Variants in TRIP12 observed in about 807,000 individuals in gnomAD.
TRIP12 encodes the protein thyroid hormone receptor interactor 12, also known as E3 ubiquitin-protein ligase TRIP12.
TRIP12 carries 25 observed loss-of-function variants against 244.2 expected under a neutral mutation model. That is an observed-to-expected ratio of 0.10 (90% CI 0.07 to 0.14). TRIP12 has a LOEUF of 0.14. Ranked by LOEUF, TRIP12 falls within the 10% of genes least tolerant of loss-of-function variation. The pLI, the probability that TRIP12 is intolerant of heterozygous loss-of-function variation, is 1.00. For missense variants in TRIP12, 1,677 were observed against 2,486.4 expected (o/e 0.67, Z 6.92); for synonymous variants, 905 against 873.1 (o/e 1.04, Z -0.64).
At chr2:229,813,235 G>T (rs567342737) in intron 13 of TRIP12, among the ~76,000 whole-genome samples, 1 of 152,242 alleles carries the variant, frequency 6.6e-6, no homozygotes, top group African/African-American at 2.4e-5. Context: ...TCTCAAGAAA[G>T]AGTAATCTTT....
chr2:229,906,414 T>C (rs1219770085), intron 1 of TRIP12, among the ~76,000 whole-genome samples: 3 of 150,074 alleles, frequency 2.0e-5, no homozygotes, highest in African/African-American at 4.9e-5. Context: ...ATAAAAGACT[T>C]CCATTAATTA....
intron 5 of TRIP12, among the ~76,000 whole-genome samples, chr2:229,840,284 G>A (rs140564874): frequency 3.2e-4 from 49 of 152,226 alleles, no homozygotes; most frequent in African/African-American, 9.6e-4. Context: ...TAAAAGTATC[G>A]TCAAGAAATA....
chr2:229,785,718 A>C (rs1211319625), intron 34 of TRIP12, 39 bp downstream of exon 34: 1 of 1,565,968 alleles, frequency 6.4e-7, no homozygotes, highest in Non-Finnish European at 8.7e-7. Flanking sequence ...TTAAGAGCAC[A>C]AGTCAAGCTA....
At chr2:229,833,800 T>C (rs2054063125) in intron 6 of TRIP12, among the ~76,000 whole-genome samples, 1 of 151,608 alleles carries the variant, frequency 6.6e-6, no homozygotes, top group Non-Finnish European at 1.5e-5. Context: ...GTATATGTTT[T>C]ACAAAATTAG....
intron 33 of TRIP12, among the ~76,000 whole-genome samples, chr2:229,787,219 G>A (rs531279293): frequency 6.6e-6 from 1 of 152,124 alleles, no homozygotes; most frequent in Non-Finnish European, 1.5e-5. Context: ...AAGTTTCAGT[G>A]AGAGAAGACA....
intron 18 of TRIP12, 69 bp from the exon 19 acceptor site, chr2:229,804,296 TA>T: frequency 7.6e-7 from 1 of 1,321,686 alleles, no homozygotes. Flanking sequence ...ATAAACAATA[TA>T]AAATACTCAA....
At chr2:229,856,544 T>C (rs1475777516) in intron 4 of TRIP12, among the ~76,000 whole-genome samples, 1 of 152,208 alleles carries the variant, frequency 6.6e-6, no homozygotes, top group African/African-American at 2.4e-5. Context: ...AAGTACAATC[T>C]GCTATTGCCT....
intron 1 of TRIP12, among the ~76,000 whole-genome samples, chr2:229,908,668 G>C (rs1289934951): frequency 6.6e-6 from 1 of 151,902 alleles, no homozygotes; most frequent in Non-Finnish European, 1.5e-5. Flanking sequence ...GGGAGGCAGA[G>C]CTTCCAGTGA....
intron 1 of TRIP12, among the ~76,000 whole-genome samples, chr2:229,909,427 G>C (rs138123357): frequency 3.9e-4 from 59 of 151,872 alleles, no homozygotes; most frequent in Non-Finnish European, 6.8e-4. Context: ...ATGTGGTTGT[G>C]AACACCTGTA....
chr2:229,787,306 G>T (rs1037773059), intron 33 of TRIP12, among the ~76,000 whole-genome samples, 199 bp downstream of exon 33: 1 of 152,090 alleles, frequency 6.6e-6, no homozygotes, highest in Non-Finnish European at 1.5e-5. Context: ...GAAACTGGGG[G>T]GTGGGGAGGA....
At chr2:229,830,698 T>C (rs2053117170) in intron 7 of TRIP12, 58 bp downstream of exon 7, 2 of 1,438,692 alleles carry the variant, frequency 1.4e-6, no homozygotes, top group Middle Eastern at 3.5e-4. Context: ...CAATAAAGAA[T>C]GGTATTAACA....
intron 1 of TRIP12, among the ~76,000 whole-genome samples, chr2:229,909,611 T>G (rs2073855035): frequency 6.6e-6 from 1 of 150,796 alleles, no homozygotes; most frequent in Admixed American, 6.6e-5. Context: ...TCCAGCATTT[T>G]AGAAGGCTGA....
At chr2:229,789,831 C>G in intron 30 of TRIP12, 69 bp from the exon 31 acceptor site, 2 of 1,527,730 alleles carry the variant, frequency 1.3e-6, no homozygotes, top group Non-Finnish European at 1.8e-6. Flanking sequence ...AGCCAAGGTC[C>G]TATCATCGCT....
chr2:229,864,004 A>AGAG lies in TRIP12; in HGVS notation c.99-3474_99-3473insCTC, dbSNP rs1559954221. Among the ~76,000 whole-genome samples, 171 of 81,298 alleles carry AGAG rather than the reference A, an allele frequency of 2.1e-3. 1 individual carries two copies. Among genetic ancestry groups the AGAG allele is most frequent in the African/African-American group, 3.4e-3 (83 of 24,180 alleles). 53.3% of individuals were successfully genotyped at this position (81,298 alleles called of 152,430 possible). The stretch of plus-strand genomic sequence containing the variant: ...AATTATAGCCCAAAGATTTGGGTGA[A>AGAG]AGAGAGAGAGAGAGAGAGAGAGAGA... On this transcript the variant is annotated intron_variant, in intron 2 of 41. Coordinates refer to ENST00000675903, the MANE Select transcript of TRIP12 (RefSeq NM_001348323.3).
chr2:229,796,678 C>G lies in TRIP12; in HGVS notation c.3729G>C (p.Leu1243Phe), dbSNP rs1382723023. The change falls in exon 25 of 42, where the codon TTG (leucine) becomes TTC (phenylalanine). Residue 1243 changes from leucine (L) to phenylalanine (F), a missense_variant. Transcript: ENST00000675903. ...TTTCACTTTTAGATGTCAAATAAAG[C>G]AACAGCTGCTTCACAAATCCACTAT... ...IQHSGFVKQL[L>F]LYLTSKSEKD... 6.2e-7 allele frequency: 1 copy of G among 1,613,230 alleles called. No homozygotes were observed. Among genetic ancestry groups the G allele is most frequent in the Non-Finnish European group, 8.5e-7 (1 of 1,179,796 alleles).
chr2:229,822,262 A>G (rs892946612), intron 8 of TRIP12, among the ~76,000 whole-genome samples: 1 of 152,080 alleles, frequency 6.6e-6, no homozygotes, highest in Non-Finnish European at 1.5e-5. Context: ...CAGAGAGAGT[A>G]GGCGTCAAAG....
chr2:229,792,882 C>A (rs1575071803), intron 27 of TRIP12, 91 bp downstream of exon 27: 1 of 1,336,624 alleles, frequency 7.5e-7, no homozygotes, highest in East Asian at 2.4e-5. Flanking sequence ...ACAGAAACAA[C>A]ATTAAACAGA....
chr2:229,892,109 AC>A (rs2067502475), intron 1 of TRIP12, among the ~76,000 whole-genome samples: 1 of 152,238 alleles, frequency 6.6e-6, no homozygotes, highest in African/African-American at 2.4e-5. Flanking sequence ...AATGGAGCTC[AC>A]CTCAATTGGA....
At chr2:229,887,597 A>G (rs944774289) in intron 1 of TRIP12, among the ~76,000 whole-genome samples, 4 of 121,558 alleles carry the variant, frequency 3.3e-5, no homozygotes, top group Non-Finnish European at 5.6e-5. Context: ...TTTTGATGAC[A>G]GGATCTACAC....
Sources: gnomAD v4.1 joint callset for allele counts (sites outside exome capture counted in the v4.1 genomes callset) on GRCh38, gnomAD v4.1.1 for gene constraint, MANE v1.5 for transcripts, NCBI Gene and HGNC (gene_info 2026-07-23, HGNC 2026-07-21) for gene names.